Variants in NMNAT3 observed in about 807,000 individuals in gnomAD.
The protein encoded by NMNAT3 is nicotinamide/nicotinic acid mononucleotide adenylyltransferase 3.
In NMNAT3, 21 loss-of-function variants were observed where a neutral mutation model predicts 24.8. The observed-to-expected ratio is 0.85, with a 90% CI of 0.60 to 1.22. NMNAT3 has a LOEUF of 1.22. Among genes scored for constraint, NMNAT3 ranks in the 50% most tolerant of loss-of-function variants. The probability of loss-of-function intolerance (pLI) is 0.00; values close to 1 mark genes in which losing one functional copy is unlikely to be tolerated. For synonymous variants in NMNAT3, 136 were observed against 155.2 expected (o/e 0.88, Z 0.92); for missense variants, 387 against 436.6 (o/e 0.89, Z 1.01).
At chr3:139,587,872 A>C (rs2054004013) in intron 3 of NMNAT3, among the ~76,000 whole-genome samples, 1 of 152,068 alleles carries the variant, frequency 6.6e-6, no homozygotes, top group African/African-American at 2.4e-5. Context: ...CCTTCACATT[A>C]ATTTCTGTTT....
chr3:139,615,084 A>G (rs542496386), intron 3 of NMNAT3, among the ~76,000 whole-genome samples: 1 of 152,232 alleles, frequency 6.6e-6, no homozygotes, highest in Admixed American at 6.5e-5. Context: ...ATAATCCCTT[A>G]TTATTTGTTT....
chr3:139,647,437 A>G (rs2056906812), intron 1 of NMNAT3, among the ~76,000 whole-genome samples: 1 of 152,244 alleles, frequency 6.6e-6, no homozygotes, highest in African/African-American at 2.4e-5. Context: ...AGGTTGAATA[A>G]TGTCCCCCAA....
intron 1 of NMNAT3, among the ~76,000 whole-genome samples, chr3:139,667,199 T>C (rs1435595557): frequency 6.6e-6 from 1 of 152,224 alleles, no homozygotes; most frequent in Non-Finnish European, 1.5e-5. Flanking sequence ...ATGGTTGTAC[T>C]AAGTTATTTA....
At chr3:139,661,675 A>C (rs1233249351) in intron 1 of NMNAT3, among the ~76,000 whole-genome samples, 1 of 152,192 alleles carries the variant, frequency 6.6e-6, no homozygotes. Flanking sequence ...CTCTAAAAAC[A>C]AAAAGAAAAA....
intron 3 of NMNAT3, among the ~76,000 whole-genome samples, chr3:139,598,907 C>G (rs2054592683): frequency 6.6e-6 from 1 of 151,902 alleles, no homozygotes; most frequent in Non-Finnish European, 1.5e-5. Flanking sequence ...AGTAGCTAAG[C>G]CAGGCAGGGC....
At position 139,591,627 on chromosome 3, in the gene NMNAT3, C is replaced by T. The variant is rs566459477; in HGVS notation, c.110-8419G>A. On this transcript the variant is annotated intron_variant, in intron 3 of 6. Coordinates refer to ENST00000643695, the MANE Select transcript of NMNAT3 (RefSeq NM_001320510.2). ...CACCACGCAGCTGGAGATCTGAGAA[C>T]GGGCAGACTGCCTCCTTAAGTGGGT... Among the ~76,000 whole-genome samples the T allele has an allele frequency of 2.7e-3, 414 of 152,272 alleles. 3 individuals carry two copies. Among genetic ancestry groups the T allele is most frequent in the African/African-American group, 9.7e-3 (402 of 41,558 alleles).
At chr3:139,595,941 A>G (rs1240971999) in intron 3 of NMNAT3, among the ~76,000 whole-genome samples, 4 of 152,260 alleles carry the variant, frequency 2.6e-5, no homozygotes, top group East Asian at 1.9e-4. Flanking sequence ...CAATGGCAAC[A>G]AAAGCCAAAA....
chr3:139,670,478 C>G (rs923586938), intron 1 of NMNAT3, among the ~76,000 whole-genome samples: 1 of 152,230 alleles, frequency 6.6e-6, no homozygotes, highest in Non-Finnish European at 1.5e-5. Flanking sequence ...AATTTCCCTA[C>G]CTTTTGCTAG....
intron 6 of NMNAT3, chr3:139,566,968 CATG>C (rs1363046834): frequency 1.3e-5 from 2 of 152,138 alleles, no homozygotes; most frequent in African/African-American, 2.4e-5. Flanking sequence ...TGGCCATTTT[CATG>C]ATATTGATTC....
At chr3:139,665,370 T>C (rs2057543797) in intron 1 of NMNAT3, among the ~76,000 whole-genome samples, 1 of 152,150 alleles carries the variant, frequency 6.6e-6, no homozygotes, top group Non-Finnish European at 1.5e-5. Flanking sequence ...TCTTCCCTCC[T>C]TGGCACAGAC....
chr3:139,572,012 A>G (rs1250634652), intron 6 of NMNAT3: 3 of 397,370 alleles, frequency 7.5e-6, no homozygotes, highest in East Asian at 7.1e-5. Flanking sequence ...CTTGGCCCAG[A>G]AATGTCTCCA....
intron 3 of NMNAT3, 35 bp downstream of exon 4, chr3:139,627,581 A>G: frequency 7.8e-7 from 1 of 1,281,508 alleles, no homozygotes; most frequent in Non-Finnish European, 1.1e-6. Context: ...CTAACCCACC[A>G]GTTCTTCTGT....
intron 6 of NMNAT3, chr3:139,565,512 C>G (rs1232428510): frequency 6.6e-6 from 1 of 151,770 alleles, no homozygotes; most frequent in African/African-American, 2.4e-5. Flanking sequence ...TCCCTCCCCC[C>G]TTCCCCCACC....
intron 2 of NMNAT3, chr3:139,637,654 C>G (rs1299327415): frequency 6.6e-6 from 1 of 152,140 alleles, no homozygotes; most frequent in Non-Finnish European, 1.5e-5. Context: ...CTGGGATCAT[C>G]TACCATTCTC....
At chr3:139,601,587 GAAC>G (rs898551471) in intron 3 of NMNAT3, among the ~76,000 whole-genome samples, 2 of 152,122 alleles carry the variant, frequency 1.3e-5, no homozygotes, top group African/African-American at 2.4e-5. Flanking sequence ...GTCAAGAGGG[GAAC>G]ACACTGATTC....
chr3:139,570,994 G>A (rs542038906), intron 6 of NMNAT3: 1 of 152,772 alleles, frequency 6.5e-6, no homozygotes, highest in Admixed American at 6.5e-5. Flanking sequence ...GCTCCACCCA[G>A]TTGGAGCTTC....
chr3:139,596,964 A>ATT (rs3028156), intron 3 of NMNAT3, among the ~76,000 whole-genome samples: 48 of 108,532 alleles, frequency 4.4e-4, no homozygotes, highest in Admixed American at 5.7e-4. Flanking sequence ...ATATATATAT[A>ATT]TTTTTATTAC....
intron 1 of NMNAT3, among the ~76,000 whole-genome samples, chr3:139,673,753 G>A (rs1343715997): frequency 6.6e-6 from 1 of 152,014 alleles, no homozygotes; most frequent in Non-Finnish European, 1.5e-5. Flanking sequence ...CCAGGACACT[G>A]CCTGAAGTAT....
chr3:139,647,857 T>C (rs1174158278), intron 1 of NMNAT3, among the ~76,000 whole-genome samples: 1 of 152,218 alleles, frequency 6.6e-6, no homozygotes, highest in Non-Finnish European at 1.5e-5. Context: ...ACCAAGTTTA[T>C]GGTAATTTGT....
Sources: gnomAD v4.1 joint callset for allele counts (sites outside exome capture counted in the v4.1 genomes callset) on GRCh38, gnomAD v4.1.1 for gene constraint, MANE v1.5 for transcripts, NCBI Gene and HGNC (gene_info 2026-07-23, HGNC 2026-07-21) for gene names.